NTN4: variants seen among roughly 807,000 people sequenced by gnomAD.
NTN4 encodes the protein netrin-4.
Under a neutral mutation model 73.6 loss-of-function variants are expected in NTN4, and 32 were observed. The ratio of observed to expected loss-of-function variants is 0.44; its 90% CI spans 0.33 to 0.58. The LOEUF is 0.58. Ranked by LOEUF, NTN4 falls within the 20% of genes least tolerant of loss-of-function variation. NTN4 has a pLI of 0.04. For missense variants in NTN4, 654 were observed against 798.3 expected, an observed-to-expected ratio of 0.82 and a Z score of 2.18; for synonymous variants, 258 against 287.5, an observed-to-expected ratio of 0.90 and a Z score of 1.04.
chr12:95,723,749 T>C (rs57154002), intron 3 of NTN4, among the ~76,000 whole-genome samples: 54,006 of 152,048 alleles, frequency 0.36, 11,315 homozygotes, highest in Non-Finnish European at 0.47. Context: ...TTACCTCAGG[T>C]GATCTGCACA....
chr12:95,673,123 C>A, intron 7 of NTN4: 1 of 932,460 alleles, frequency 1.1e-6, no homozygotes, highest in Non-Finnish European at 1.7e-6. Flanking sequence ...TGGTGTGTCC[C>A]TCTGCTCATC....
chr12:95,790,546 G>A lies in NTN4; in HGVS notation c.-237C>T, dbSNP rs2079201769. The A allele has an allele frequency of 2.9e-6, 1 of 339,312 alleles. No homozygotes were observed. 21.0% of individuals were successfully genotyped at this position (339,312 alleles called of 1,614,324 possible). ...CCTGGCGGGTCCCGGGCACCTGGGG[G>A]GCGGCGGGAGCCCCGGGACCATAGC... On this transcript the variant is annotated 5_prime_UTR_variant, in exon 1 of 10. Transcript: ENST00000343702. This position sits in a 1 kb window ranked among gnomAD's most constrained non-coding sequence, Gnocchi z 6.5.
Position 95,657,811 on chromosome 12 carries a change from A to G in NTN4, c.*1275T>C, listed in dbSNP as rs2078103179. On this transcript the variant is annotated 3_prime_UTR_variant, in exon 10 of 10. Transcript: ENST00000343702. ...AGTTAAGAAATGAGACAAAAATCAG[A>G]TCATATTCCTTTATTACATATATGA... 6.6e-6 allele frequency: 1 copy of G among 152,326 alleles called. No homozygotes were observed. The highest frequency in any genetic ancestry group is 1.5e-5 in the Non-Finnish European group (1 of 68,026). 9.4% of individuals were successfully genotyped at this position (152,326 alleles called of 1,614,324 possible).
chr12:95,658,957 C>T lies in NTN4; in HGVS notation c.*129G>A. The T allele has an allele frequency of 1.3e-6, 1 of 761,162 alleles. No individual in the cohort carries two copies. The highest frequency in any genetic ancestry group is 3.9e-4 in the Middle Eastern group (1 of 2,542). The allele number at this position is 761,162 out of a possible 1,614,324, so 47.2% of individuals were successfully genotyped here. ...CCAGAAGAGATAAGTTAGATAAGAC[C>T]CATGCATTCAAACATTTCTATATGT... On this transcript the variant is annotated 3_prime_UTR_variant, in exon 10 of 10. Transcript: ENST00000343702.
At chr12:95,682,922 A>T (rs1423368350) in intron 6 of NTN4, 100 bp from the exon 7 acceptor site, 2 of 635,910 alleles carry the variant, frequency 3.1e-6, no homozygotes, top group African/African-American at 3.7e-5. Context: ...CTGCCTTCCC[A>T]TTCTTCCTTT....
chr12:95,719,458 T>G (rs899753679), intron 3 of NTN4, among the ~76,000 whole-genome samples: 1 of 152,188 alleles, frequency 6.6e-6, no homozygotes, highest in African/African-American at 2.4e-5. Context: ...TATACAGCAA[T>G]TGAAGACCAA....
At chr12:95,737,467 A>G (rs1399258074) in intron 3 of NTN4, among the ~76,000 whole-genome samples, 1 of 152,188 alleles carries the variant, frequency 6.6e-6, no homozygotes, top group Non-Finnish European at 1.5e-5. Context: ...CAGCAAAGAT[A>G]CCAGGCATAA....
chr12:95,705,919 A>G (rs921540997), intron 5 of NTN4, among the ~76,000 whole-genome samples: 22 of 152,256 alleles, frequency 1.4e-4, no homozygotes, highest in African/African-American at 5.1e-4. Context: ...GTGAAGGAAT[A>G]AGCTTTAAAA....
At chr12:95,712,702 A>G (rs1339983407) in intron 4 of NTN4, among the ~76,000 whole-genome samples, 3 of 151,792 alleles carry the variant, frequency 2.0e-5, no homozygotes, top group Admixed American at 6.5e-5. Context: ...CCCGGTTTCA[A>G]GTGATTCTTG....
intron 5 of NTN4, among the ~76,000 whole-genome samples, chr12:95,689,395 T>G (rs1163689812): frequency 6.6e-6 from 1 of 152,196 alleles, no homozygotes; most frequent in African/African-American, 2.4e-5. Flanking sequence ...TCTAATTAAT[T>G]AGGACAATTT....
intron 7 of NTN4, among the ~76,000 whole-genome samples, chr12:95,677,301 A>C (rs1405544159): frequency 6.6e-6 from 1 of 152,170 alleles, no homozygotes; most frequent in African/African-American, 2.4e-5. Flanking sequence ...AAACAAATTA[A>C]TAACCATGAC....
chr12:95,725,586 A>C (rs2078687768), intron 3 of NTN4, among the ~76,000 whole-genome samples: 1 of 152,140 alleles, frequency 6.6e-6, no homozygotes, highest in Non-Finnish European at 1.5e-5. Flanking sequence ...ATTGTCACTC[A>C]GTATTCTATA....
intron 7 of NTN4, among the ~76,000 whole-genome samples, chr12:95,677,727 C>T (rs1391001598): frequency 6.6e-6 from 1 of 152,206 alleles, no homozygotes; most frequent in Non-Finnish European, 1.5e-5. Context: ...AATGCATTTA[C>T]ACTGTTGGCA....
In NTN4 at chr12:95,790,299, C is replaced by A; in HGVS notation, c.11G>T (p.Cys4Phe). 1 of 1,532,474 alleles carries A rather than the reference C, an allele frequency of 6.5e-7. No homozygotes were observed. Among genetic ancestry groups the A allele is most frequent in the Non-Finnish European group, 8.8e-7 (1 of 1,140,248 alleles). The allele number at this position is 1,532,474 out of a possible 1,614,324, so 94.9% of individuals were successfully genotyped here. The change falls in exon 1 of 10, where the codon TGC (cysteine) becomes TTC (phenylalanine). Residue 4 changes from cysteine (C) to phenylalanine (F), a missense_variant. Physicochemically the swap from Cys to Phe is radical, Grantham distance 205. Transcript: ENST00000343702. This position sits in a 1 kb window ranked among gnomAD's most constrained non-coding sequence, Gnocchi z 6.5. MGSCARLLLLWGCT... is the reference protein window; with the variant it reads MGSFARLLLLWGCT... ...GCCCCAGAGCAGCAGCAGCCGCGCG[C>A]AGCTCCCCATGGCCGGGAGGAGCCG...
chr12:95,705,314 T>C (rs939693869), intron 5 of NTN4, among the ~76,000 whole-genome samples: 1 of 152,136 alleles, frequency 6.6e-6, no homozygotes, highest in African/African-American at 2.4e-5. Flanking sequence ...CAGGCAATTA[T>C]AGTAGATGAC....
intron 3 of NTN4, among the ~76,000 whole-genome samples, chr12:95,735,298 C>T (rs1015810736): frequency 2.0e-5 from 3 of 151,932 alleles, no homozygotes; most frequent in Admixed American, 2.0e-4. Context: ...GGAACTGGAT[C>T]CCTGGAAGTC....
At chr12:95,687,285 T>TG (rs1475402945) in intron 5 of NTN4, among the ~76,000 whole-genome samples, 1 of 152,266 alleles carries the variant, frequency 6.6e-6, no homozygotes, top group African/African-American at 2.4e-5. Context: ...TAAGTATTTC[T>TG]GAGTTTCACT....
chr12:95,710,348 T>A, intron 5 of NTN4, 93 bp downstream of exon 5: 1 of 1,013,442 alleles, frequency 9.9e-7, no homozygotes, highest in East Asian at 2.5e-5. Flanking sequence ...AGAACCTCAA[T>A]GACCTCCTTC....
chr12:95,772,714 C>T (rs1023219731), intron 2 of NTN4, among the ~76,000 whole-genome samples: 2 of 152,220 alleles, frequency 1.3e-5, no homozygotes, highest in Non-Finnish European at 2.9e-5. Context: ...CTTTCTCTTA[C>T]AGTCTACATC....
Sources: gnomAD v4.1 joint callset for allele counts (sites outside exome capture counted in the v4.1 genomes callset) on GRCh38, gnomAD v4.1.1 for gene constraint, Gnocchi (gnomAD v3.1) non-coding constraint, MANE v1.5 for transcripts, NCBI Gene and HGNC (gene_info 2026-07-23, HGNC 2026-07-21) for gene names.